Variants in AMPH observed in about 807,000 individuals in gnomAD.
The protein encoded by AMPH is amphiphysin (Stiff-Mann syndrome with breast cancer 128kD autoantigen).
A neutral mutation model predicts 99.1 loss-of-function variants in AMPH; 49 were observed. The observed-to-expected ratio is 0.49, with a 90% CI of 0.39 to 0.63. The LOEUF is 0.63. AMPH is among the 20% of genes least tolerant of loss of function. The pLI is 0.00. For synonymous variants in AMPH, 314 were observed against 317.3 expected (o/e 0.99, Z 0.11); for missense variants, 759 against 863.4 (o/e 0.88, Z 1.52).
rs969183631 is a variant in AMPH at position 38,492,379 on chromosome 7, CA to C, written c.301-1235del. Among the ~76,000 whole-genome samples the C allele has an allele frequency of 8.0e-4, 122 of 152,206 alleles. 4 individuals carry two copies. Among genetic ancestry groups the C allele is most frequent in the Admixed American group, 8.0e-3 (122 of 15,282 alleles). ...GCCCGTGAAGGCATGCTAAAAATGG[CA>C]AACTTGGGCCCCTCATACTTGTGGG... On this transcript the variant is annotated intron_variant, in intron 4 of 20. Coordinates refer to ENST00000356264, the MANE Select transcript of AMPH (RefSeq NM_001635.4).
At chr7:38,528,825 A>C (rs1488379253) in intron 2 of AMPH, among the ~76,000 whole-genome samples, 1 of 151,162 alleles carries the variant, frequency 6.6e-6, no homozygotes, top group Non-Finnish European at 1.5e-5. Flanking sequence ...TTGATTTAAG[A>C]CCTTTCCTTG....
chr7:38,423,883 T>C (rs1340860905), intron 15 of AMPH, among the ~76,000 whole-genome samples: 1 of 152,130 alleles, frequency 6.6e-6, no homozygotes, highest in Non-Finnish European at 1.5e-5. Context: ...AGCAGAAGAC[T>C]TGAGATTAAT....
chr7:38,546,208 C>T (rs1168418512), intron 1 of AMPH, among the ~76,000 whole-genome samples: 1 of 152,208 alleles, frequency 6.6e-6, no homozygotes, highest in Non-Finnish European at 1.5e-5. Context: ...TGTCAGAGCA[C>T]ACAGCTTCCA....
intron 2 of AMPH, among the ~76,000 whole-genome samples, chr7:38,520,640 A>G (rs1438396522): frequency 1.3e-5 from 2 of 152,246 alleles, no homozygotes; most frequent in East Asian, 3.8e-4. Context: ...GTACTACTGA[A>G]GTAAACAGAG....
intron 1 of AMPH, among the ~76,000 whole-genome samples, chr7:38,553,021 C>T (rs1437742880): frequency 6.6e-6 from 1 of 152,170 alleles, no homozygotes; most frequent in Non-Finnish European, 1.5e-5. Flanking sequence ...TCCTGTAAGC[C>T]AGTGGGAGAG....
intron 2 of AMPH, among the ~76,000 whole-genome samples, chr7:38,519,769 G>T (rs1281241558): frequency 2.6e-5 from 4 of 152,088 alleles, no homozygotes; most frequent in Admixed American, 1.3e-4. Context: ...TTCTCCAATG[G>T]ATAAAAGAGG....
chr7:38,576,269 AACTTCTTAATAT>A (rs1176123487), intron 1 of AMPH, among the ~76,000 whole-genome samples: 9 of 152,218 alleles, frequency 5.9e-5, no homozygotes, highest in African/African-American at 2.2e-4. Flanking sequence ...AAAACAAAAC[AACTTCTTAATAT>A]TGAGCTCCAC....
At chr7:38,419,559 T>C (rs948872421) in intron 16 of AMPH, among the ~76,000 whole-genome samples, 2 of 152,188 alleles carry the variant, frequency 1.3e-5, no homozygotes, top group African/African-American at 2.4e-5. Flanking sequence ...TACTTCACTT[T>C]TATTGTTTGA....
chr7:38,595,264 C>T (rs1182918315), intron 1 of AMPH, among the ~76,000 whole-genome samples: 1 of 152,176 alleles, frequency 6.6e-6, no homozygotes, highest in Non-Finnish European at 1.5e-5. Context: ...TCCCCCTTTC[C>T]CTCAGCAGGA....
Position 38,588,184 on chromosome 7 carries a change from G to C in AMPH, c.69+43099C>G, listed in dbSNP as rs370214790. Among the ~76,000 whole-genome samples the C allele has an allele frequency of 4.5e-3, 691 of 152,054 alleles. 4 individuals are homozygous for C. Among genetic ancestry groups the C allele is most frequent in the African/African-American group, 0.016 (650 of 41,474 alleles). The stretch of plus-strand genomic sequence containing the variant: ...GTCCAGGCTGGTCTCAAACTTCTGA[G>C]CTCAAGTGATCAGCTGTCTCGGCCT... On this transcript the variant is annotated intron_variant, in intron 1 of 20. Transcript: ENST00000356264.
intron 11 of AMPH, among the ~76,000 whole-genome samples, chr7:38,459,480 C>T (rs1391709492): frequency 2.0e-5 from 3 of 151,970 alleles, no homozygotes; most frequent in Admixed American, 6.6e-5. Context: ...AACAGCATGA[C>T]ATTGGTATAA....
intron 13 of AMPH, chr7:38,431,952 T>C: frequency 5.2e-6 from 3 of 574,246 alleles, no homozygotes; most frequent in Non-Finnish European, 9.6e-6. Flanking sequence ...TTGACCATTA[T>C]TCAAATTATT....
chr7:38,500,571 C>A (rs77327535), intron 3 of AMPH, among the ~76,000 whole-genome samples: 7,238 of 152,252 alleles, frequency 0.048, 206 homozygotes, highest in South Asian at 0.081. Context: ...GCACGCTCCA[C>A]ACCAAAGAGG....
At chr7:38,509,921 C>G (rs1303628244) in intron 2 of AMPH, among the ~76,000 whole-genome samples, 1 of 152,022 alleles carries the variant, frequency 6.6e-6, no homozygotes, top group Non-Finnish European at 1.5e-5. Flanking sequence ...CCAAATCAGA[C>G]AGCACGTACA....
chr7:38,544,482 T>C (rs1374794650), intron 1 of AMPH, among the ~76,000 whole-genome samples: 1 of 152,194 alleles, frequency 6.6e-6, no homozygotes, highest in Admixed American at 6.5e-5. Context: ...TCCCAAGATG[T>C]CCAGGAATTG....
At chr7:38,550,074 C>A (rs1219553647) in intron 1 of AMPH, among the ~76,000 whole-genome samples, 1 of 152,182 alleles carries the variant, frequency 6.6e-6, no homozygotes, top group Non-Finnish European at 1.5e-5. Context: ...TAAACACTTC[C>A]AACTCTTGTT....
intron 5 of AMPH, among the ~76,000 whole-genome samples, chr7:38,478,503 T>C (rs1351761227): frequency 1.3e-5 from 2 of 152,142 alleles, no homozygotes; most frequent in African/African-American, 2.4e-5. Context: ...TTTCCAGACA[T>C]AAATATTATT....
At chr7:38,486,158 A>AG (rs201826877) in intron 5 of AMPH, among the ~76,000 whole-genome samples, 1,977 of 108,186 alleles carry the variant, frequency 0.018, 45 homozygotes, top group African/African-American at 0.099. Context: ...GGTAACTATG[A>AG]GTTTTTTTTT....
chr7:38,599,147 T>C (rs1210045106), intron 1 of AMPH, among the ~76,000 whole-genome samples: 1 of 152,256 alleles, frequency 6.6e-6, no homozygotes, highest in Non-Finnish European at 1.5e-5. Flanking sequence ...TTCTAATTCT[T>C]TGAGTTGTGG....
Sources: allele counts gnomAD v4.1 joint callset (sites outside exome capture counted in the v4.1 genomes callset), GRCh38; gene constraint gnomAD v4.1.1; transcripts MANE v1.5; gene names NCBI Gene and HGNC (gene_info 2026-07-23, HGNC 2026-07-21).